GCFC2: variants seen among roughly 807,000 people sequenced by gnomAD.
GCFC2 encodes the protein intron Large complex component GCFC2.
A neutral mutation model predicts 99.4 loss-of-function variants in GCFC2; 102 were observed. The observed-to-expected ratio is 1.03, with a 90% confidence interval of 0.87 to 1.21. The LOEUF is 1.21. Ranked by LOEUF, GCFC2 falls within the 50% of genes most tolerant of loss-of-function variation. The pLI, the probability that GCFC2 is intolerant of heterozygous loss-of-function variation, is 0.00. For missense variants in GCFC2, 973 were observed against 920.9 expected, an observed-to-expected ratio of 1.06 and a Z score of -0.73; for synonymous variants, 338 against 316.8, an observed-to-expected ratio of 1.07 and a Z score of -0.71.
intron 13 of GCFC2, among the ~76,000 whole-genome samples, chr2:75,672,399 A>G (rs1679149224): frequency 1.3e-5 from 2 of 150,564 alleles, no homozygotes; most frequent in Admixed American, 1.3e-4. Context: ...TATCACATTC[A>G]TACATCTGAA....
At chr2:75,668,621 C>T (rs1037613778) in intron 15 of GCFC2, among the ~76,000 whole-genome samples, 4 of 152,144 alleles carry the variant, frequency 2.6e-5, no homozygotes, top group African/African-American at 9.7e-5. Context: ...CCAAAAGTAT[C>T]TGAGACAGGT....
At chr2:75,695,892 C>T (rs889925946) in intron 5 of GCFC2, among the ~76,000 whole-genome samples, 1 of 152,168 alleles carries the variant, frequency 6.6e-6, no homozygotes, top group African/African-American at 2.4e-5. Flanking sequence ...GATGTCATCA[C>T]ACTACTTAGA....
intron 2 of GCFC2, 86 bp downstream of exon 2, chr2:75,706,437 C>T: frequency 3.5e-6 from 3 of 862,590 alleles, no homozygotes; most frequent in Non-Finnish European, 3.6e-6. Context: ...CCCCATGTCA[C>T]TAGAGTTTGT....
At position 75,664,606 on chromosome 2, in the gene GCFC2, TCAAA is replaced by T. The variant is rs1376637379; in HGVS notation, c.*56_*59del. On this transcript the variant is annotated 3_prime_UTR_variant, in exon 17 of 17. Coordinates refer to ENST00000321027, the MANE Select transcript of GCFC2 (RefSeq NM_003203.5). ...AGAAGAGAGAGGCACCAGCTTCTTC[TCAAA>T]CAAAGGAACTGAGTGTAACTATATT... The T allele has an allele frequency of 1.7e-5, 13 of 771,222 alleles. No individual in the cohort carries two copies. Among genetic ancestry groups the T allele is most frequent in the East Asian group, 1.2e-4 (5 of 40,190 alleles). 47.8% of individuals were successfully genotyped at this position (771,222 alleles called of 1,614,324 possible). A position where few individuals can be genotyped will look rare whatever the true frequency, so the allele number is the denominator to read the frequency against.
rs950018959 is a variant in GCFC2 at position 75,663,071 on chromosome 2, C to G, written c.*1595G>C. ...GCTTTTCAACAATAGTTTGCATTTT[C>G]TAGATGAGATTCTATCCTTGTATAA... On this transcript the variant is annotated 3_prime_UTR_variant, in exon 17 of 17. Transcript: ENST00000321027. 2.0e-5 allele frequency: 3 copies of G among 152,106 alleles called. No homozygotes were observed. Among genetic ancestry groups the G allele is most frequent in the African/African-American group, 7.2e-5 (3 of 41,408 alleles). 9.4% of individuals were successfully genotyped at this position (152,106 alleles called of 1,614,324 possible).
rs760278193 is a variant in GCFC2, at chr2:75,673,509, T to C, written c.1824A>G (p.Lys608=). The C allele has an allele frequency of 5.5e-6, 7 of 1,265,124 alleles. No homozygotes were observed. Among genetic ancestry groups the C allele is most frequent in the Non-Finnish European group, 8.1e-6 (7 of 862,282 alleles). The allele number at this position is 1,265,124 out of a possible 1,614,324, so 78.4% of individuals were successfully genotyped here. The stretch of plus-strand genomic sequence containing the variant: ...CCTTTTTCATTCTTGAAACAATGGA[T>C]TTAAGTAAATCCTATTATTACAAAT... ...EVSKSRQDLL[K]SIVSRMKKAV... Residue 608 remains lysine (K), a synonymous_variant, in exon 13 of 17, where the codon AAA becomes AAG. Coordinates refer to ENST00000321027, the MANE Select transcript of GCFC2 (RefSeq NM_003203.5).
chr2:75,712,572 G>C (rs571426684), upstream of GCFC2, among the ~76,000 whole-genome samples: 1 of 152,086 alleles, frequency 6.6e-6, no homozygotes, highest in African/African-American at 2.4e-5. Context: ...GTGGCAACCC[G>C]CTCCGGTCCC....
intron 15 of GCFC2, among the ~76,000 whole-genome samples, chr2:75,669,590 T>C (rs564622694): frequency 1.3e-5 from 2 of 152,192 alleles, no homozygotes; most frequent in African/African-American, 4.8e-5. Context: ...GGTGAGGACT[T>C]AACATTCTTT....
chr2:75,671,465 G>A (rs1296708235), intron 14 of GCFC2, among the ~76,000 whole-genome samples: 1 of 152,044 alleles, frequency 6.6e-6, no homozygotes, highest in Non-Finnish European at 1.5e-5. Context: ...ATCTTCCCTT[G>A]ATCAGTTATC....
At chr2:75,666,325 A>C (rs750920825) in intron 15 of GCFC2, among the ~76,000 whole-genome samples, 3 of 152,198 alleles carry the variant, frequency 2.0e-5, no homozygotes, top group African/African-American at 7.2e-5. Context: ...TTTGTGAGTC[A>C]TTAAATCTGT....
intron 4 of GCFC2, 98 bp downstream of exon 4, chr2:75,701,092 T>G: frequency 9.8e-6 from 7 of 714,436 alleles, no homozygotes; most frequent in South Asian, 1.7e-5. Context: ...CTCCACGCTG[T>G]GAGAGAATAA....
chr2:75,672,097 C>A, intron 13 of GCFC2, 81 bp from the exon 14 acceptor site: 3 of 616,988 alleles, frequency 4.9e-6, no homozygotes, highest in South Asian at 3.8e-5. Context: ...ATCAGACTTT[C>A]TTTTAAACCA....
intron 14 of GCFC2, chr2:75,670,485 T>C (rs995847594): frequency 7.0e-5 from 30 of 430,166 alleles, no homozygotes; most frequent in African/African-American, 1.2e-4. Flanking sequence ...TATTTTCATT[T>C]TCTAGGATAA....
intron 2 of GCFC2, among the ~76,000 whole-genome samples, chr2:75,703,747 A>G (rs1680713828): frequency 6.6e-6 from 1 of 152,190 alleles, no homozygotes; most frequent in Non-Finnish European, 1.5e-5. Flanking sequence ...CCAGGCCTCT[A>G]TACCAGTGAT....
At chr2:75,691,682 T>C (rs1402910320) in intron 7 of GCFC2, among the ~76,000 whole-genome samples, 2 of 152,362 alleles carry the variant, frequency 1.3e-5, no homozygotes, top group Middle Eastern at 3.4e-3. Flanking sequence ...GTTAGACTTC[T>C]GACAGAGCCT....
chr2:75,687,994 CAA>C lies in GCFC2; in HGVS notation c.1540-19_1540-18del, dbSNP rs1334885299. ...GGATTCCAACTTACAAAGAAAATTA[CAA>C]AAGTTATAAAGAAATCTTTCAACAT... On this transcript the variant is annotated intron_variant, in intron 10 of 16. Coordinates refer to ENST00000321027, the MANE Select transcript of GCFC2 (RefSeq NM_003203.5). 1.3e-6 allele frequency: 2 copies of C among 1,492,792 alleles called. No homozygotes were observed. The highest frequency in any genetic ancestry group is 2.2e-5 in the Admixed American group (1 of 44,686). The allele number at this position is 1,492,792 out of a possible 1,614,324, so 92.5% of individuals were successfully genotyped here. A position where few individuals can be genotyped will look rare whatever the true frequency, so the allele number is the denominator to read the frequency against.
chr2:75,697,987 AT>A (rs1389551820), intron 4 of GCFC2: 57 of 152,336 alleles, frequency 3.7e-4, no homozygotes, highest in African/African-American at 1.3e-3. Flanking sequence ...ATAAACTTCT[AT>A]TGTTTTAAGC....
chr2:75,673,741 C>T (rs1028675196), intron 12 of GCFC2, among the ~76,000 whole-genome samples: 1 of 152,056 alleles, frequency 6.6e-6, no homozygotes, highest in South Asian at 2.1e-4. Context: ...TGCATGAATA[C>T]TATTGATGGA....
intron 11 of GCFC2, among the ~76,000 whole-genome samples, chr2:75,685,380 C>G (rs1679766087): frequency 6.6e-6 from 1 of 152,144 alleles, no homozygotes; most frequent in Non-Finnish European, 1.5e-5. Flanking sequence ...CTCTTATCAG[C>G]CTACCTAATG....
Sources: allele counts gnomAD v4.1 joint callset (sites outside exome capture counted in the v4.1 genomes callset), GRCh38; gene constraint gnomAD v4.1.1; transcripts MANE v1.5; gene names NCBI Gene and HGNC (gene_info 2026-07-23, HGNC 2026-07-21).